TOMM20L: variants seen among roughly 807,000 people sequenced by gnomAD.
TOMM20L encodes the protein translocase of outer mitochondrial membrane 20 like, also known as TOMM20-like protein 1.
A neutral mutation model predicts 20.4 loss-of-function variants in TOMM20L; 19 were observed. That is an observed-to-expected ratio of 0.93 (90% CI 0.65 to 1.36). The LOEUF (loss-of-function observed/expected upper bound fraction) is 1.36. Among genes scored for constraint, TOMM20L ranks in the 40% most tolerant of loss-of-function variants. TOMM20L has a pLI of 0.00. For synonymous variants in TOMM20L, 75 were observed against 79.6 expected (o/e 0.94, Z 0.30); for missense variants, 218 against 203.7 (o/e 1.07, Z -0.43).
Position 58,407,418 on chromosome 14 carries a change from C to T in TOMM20L, c.355C>T (p.Pro119Ser), listed in dbSNP as rs762537161. The T allele has an allele frequency of 3.7e-5, 60 of 1,613,694 alleles. No homozygotes were observed. In the Admixed American group the frequency reaches 9.2e-4, roughly 25 times the overall value. The stretch of plus-strand genomic sequence containing the variant: ...TCTGAAAGTTTTCAAACACACTCTC[C>T]CTCCCAAGGTATTTGAGATGCTGTT... ...ELLKVFKHTL[P>S]PKVFEMLLHK... The change falls in exon 4 of 5, where the codon CCT (proline) becomes TCT (serine). Residue 119 changes from proline to serine, a missense_variant. By Grantham distance (74) the Pro-to-Ser change is moderately conservative. Transcript: ENST00000360945.
At chr14:58,412,413 T>G (rs1681634589), downstream of TOMM20L, among the ~76,000 whole-genome samples, 1 of 152,256 alleles carries the variant, frequency 6.6e-6, no homozygotes, top group Non-Finnish European at 1.5e-5. Flanking sequence ...GTGCTGGGAT[T>G]ACAGGCGTTA....
At chr14:58,396,512 C>G (rs1030757783) in intron 2 of TOMM20L, among the ~76,000 whole-genome samples, 171 bp downstream of exon 2, 31 of 152,248 alleles carry the variant, frequency 2.0e-4, no homozygotes, top group Non-Finnish European at 2.9e-4. Flanking sequence ...AGTCACTCTC[C>G]TCTCACAAAA....
At chr14:58,402,867 TC>T (rs1156464584) in intron 3 of TOMM20L, 106 bp downstream of exon 3, 3 of 804,944 alleles carry the variant, frequency 3.7e-6, no homozygotes, top group African/African-American at 1.7e-5. Context: ...GTTAGCCAAC[TC>T]CCCTCATTAA....
At chr14:58,410,835 T>C, downstream of TOMM20L, 1 of 1,599,096 alleles carries the variant, frequency 6.3e-7, no homozygotes, top group South Asian at 1.1e-5. Flanking sequence ...GAGTAACACT[T>C]TTCATACCTC....
chr14:58,400,489 T>C (rs894444567), intron 2 of TOMM20L, among the ~76,000 whole-genome samples: 1 of 151,988 alleles, frequency 6.6e-6, no homozygotes, highest in Non-Finnish European at 1.5e-5. Context: ...GGCTGCCTAT[T>C]CCGATTGACT....
downstream of TOMM20L, chr14:58,410,805 A>G: frequency 7.0e-7 from 1 of 1,432,954 alleles, no homozygotes; most frequent in Non-Finnish European, 9.7e-7. Flanking sequence ...AGTGTTTATG[A>G]AGGCTTGTAG....
downstream of TOMM20L, chr14:58,410,782 G>T: frequency 8.9e-7 from 1 of 1,128,536 alleles, no homozygotes; most frequent in Non-Finnish European, 1.3e-6. Flanking sequence ...ATGCTTAAGG[G>T]GATCCTACTT....
At chr14:58,407,586 A>G (rs2036081016) in intron 4 of TOMM20L, 118 bp downstream of exon 4, 2 of 1,194,722 alleles carry the variant, frequency 1.7e-6, no homozygotes, top group Admixed American at 3.3e-5. Context: ...AATAAGTGAA[A>G]TCTCTGAATT....
rs1439490428 is a variant in TOMM20L, at chr14:58,407,387, G to A, written c.324G>A (p.Arg108=). The change falls in exon 4 of 5, where the codon CGG becomes CGA. Residue 108 remains arginine, a synonymous_variant. Coordinates refer to ENST00000360945, the MANE Select transcript of TOMM20L (RefSeq NM_207377.3). ...GNALLVCEQP[R]ELLKVFKHTL... is the part of the protein sequence containing the mutation. Reference sequence around the variant, plus strand: ...CCCTTTTAGTGTGCGAGCAACCACGGGAACTTCTGAAAGTTTTCAAACACA... The same window carrying A: ...CCCTTTTAGTGTGCGAGCAACCACGAGAACTTCTGAAAGTTTTCAAACACA... 1 of 1,613,682 alleles carries A rather than the reference G, an allele frequency of 6.2e-7. No homozygotes were observed. The highest frequency in any genetic ancestry group is 1.7e-5 in the Admixed American group (1 of 59,912).
chr14:58,407,079 C>T (rs893017454), intron 3 of TOMM20L, among the ~76,000 whole-genome samples: 1 of 152,180 alleles, frequency 6.6e-6, no homozygotes, highest in Admixed American at 6.5e-5. Context: ...ATTTCCAATG[C>T]AAGAGTATAC....
the TOMM20L span, among the ~76,000 whole-genome samples, chr14:58,414,594 CG>C: frequency 6.6e-6 from 1 of 151,634 alleles, no homozygotes; most frequent in Non-Finnish European, 1.5e-5. Flanking sequence ...AAAAATTAGC[CG>C]GGCATGGTGG....
chr14:58,409,870 G>A (rs560929704), downstream of TOMM20L, among the ~76,000 whole-genome samples: 20 of 152,038 alleles, frequency 1.3e-4, no homozygotes, highest in South Asian at 8.3e-4. Context: ...GAGCCACCGC[G>A]CCCAGCCTAT....
downstream of TOMM20L, chr14:58,411,012 A>AT: frequency 9.7e-7 from 1 of 1,027,696 alleles, no homozygotes; most frequent in Non-Finnish European, 1.5e-6. Flanking sequence ...AATTACTGGT[A>AT]TTTTATATTT....
chr14:58,410,164 C>A (rs529739976), downstream of TOMM20L, among the ~76,000 whole-genome samples: 3 of 151,994 alleles, frequency 2.0e-5, no homozygotes, highest in African/African-American at 7.2e-5. Context: ...CTCTGCCTCC[C>A]GGGCTCAGGT....
chr14:58,398,615 A>T (rs1019057930), intron 2 of TOMM20L: 36 of 152,140 alleles, frequency 2.4e-4, no homozygotes, highest in Admixed American at 2.1e-3. Flanking sequence ...GAAGTTGAAG[A>T]CAAGAAAATC....
chr14:58,407,382 C>G lies in TOMM20L; in HGVS notation c.319C>G (p.Pro107Ala). The change falls in exon 4 of 5, where the codon CCA (proline) becomes GCA (alanine). Residue 107 changes from proline to alanine, a missense_variant. Physicochemically the swap from Pro to Ala is conservative, Grantham distance 27. Transcript: ENST00000360945. Reference protein sequence around the residue: ...LGNALLVCEQPRELLKVFKHT... With the variant: ...LGNALLVCEQARELLKVFKHT... The stretch of plus-strand genomic sequence containing the variant: ...CAATGCCCTTTTAGTGTGCGAGCAA[C>G]CACGGGAACTTCTGAAAGTTTTCAA... The G allele has an allele frequency of 6.2e-7, 1 of 1,613,772 alleles. No individual in the cohort carries two copies. The highest frequency in any genetic ancestry group is 8.5e-7 in the Non-Finnish European group (1 of 1,179,880).
At chr14:58,408,839 A>G (rs578013996), downstream of TOMM20L, 3 of 799,452 alleles carry the variant, frequency 3.8e-6, no homozygotes, top group South Asian at 2.0e-5. Flanking sequence ...TCACTGAACA[A>G]TAAGACCTTC....
chr14:58,416,726 T>G, the TOMM20L span, among the ~76,000 whole-genome samples: 1 of 152,234 alleles, frequency 6.6e-6, no homozygotes, highest in African/African-American at 2.4e-5. Flanking sequence ...TATACTTCAC[T>G]TGAACTGGTA....
the TOMM20L span, among the ~76,000 whole-genome samples, chr14:58,416,773 A>C: frequency 6.6e-6 from 1 of 152,222 alleles, no homozygotes; most frequent in African/African-American, 2.4e-5. Flanking sequence ...AAACTAAATC[A>C]GTGCCATGAG....
Sources: gnomAD v4.1 joint callset for allele counts (sites outside exome capture counted in the v4.1 genomes callset) on GRCh38, gnomAD v4.1.1 for gene constraint, MANE v1.5 for transcripts, NCBI Gene and HGNC (gene_info 2026-07-23, HGNC 2026-07-21) for gene names.